The following SMYD3 variants were observed in gnomAD, a reference collection of about 807,000 sequenced individuals.
SMYD3 encodes histone-lysine N-methyltransferase SMYD3.
SMYD3 carries 36 observed loss-of-function variants against 57.7 expected under a neutral mutation model. That is an observed-to-expected ratio of 0.62 (90% CI 0.48 to 0.82). SMYD3 has a LOEUF of 0.82. Among genes scored for constraint, SMYD3 ranks in the 40% least tolerant of loss-of-function variants. SMYD3 has a pLI of 0.00. For missense variants in SMYD3, 515 were observed against 538.8 expected (o/e 0.96, Z 0.44); for synonymous variants, 211 against 195.0 (o/e 1.08, Z -0.68).
At chr1:246,357,801 G>A (rs1307564729) in intron 1 of SMYD3, among the ~76,000 whole-genome samples, 1 of 152,124 alleles carries the variant, frequency 6.6e-6, no homozygotes, top group Non-Finnish European at 1.5e-5. Context: ...TACAAGAACT[G>A]CCAAAAGGAA....
At chr1:246,312,634 A>G (rs2065097962) in intron 5 of SMYD3, among the ~76,000 whole-genome samples, 1 of 152,198 alleles carries the variant, frequency 6.6e-6, no homozygotes, top group South Asian at 2.1e-4. Flanking sequence ...CACACGACGA[A>G]TCTGAAGTAA....
chr1:246,491,589 G>T (rs1483835970), intron 1 of SMYD3, among the ~76,000 whole-genome samples: 1 of 151,600 alleles, frequency 6.6e-6, no homozygotes, highest in Admixed American at 6.6e-5. Flanking sequence ...AGTCATTAAA[G>T]GCATATTTAA....
Position 246,102,304 on chromosome 1 carries a change from T to C in SMYD3, c.532-172367A>G, listed in dbSNP as rs570064761. ...CCCAATATTGCTGCTCTAGTTCAGA[T>C]TCCAAATATTTCTCACCTGAACCAC... On this transcript the variant is annotated intron_variant, in intron 5 of 11. Coordinates refer to ENST00000490107, the MANE Select transcript of SMYD3 (RefSeq NM_001167740.2). 1.1e-4 allele frequency among the ~76,000 whole-genome samples: 17 copies of C among 152,278 alleles called. No homozygotes were observed. In the East Asian group the frequency reaches 3.1e-3, roughly 28 times the overall value.
chr1:245,983,202 A>G (rs1299671524), intron 5 of SMYD3, among the ~76,000 whole-genome samples: 1 of 152,134 alleles, frequency 6.6e-6, no homozygotes, highest in Admixed American at 6.5e-5. Flanking sequence ...TTCAGTTATA[A>G]CTTTTCAGAC....
chr1:246,052,769 C>G (rs941934954), intron 5 of SMYD3: 4 of 152,222 alleles, frequency 2.6e-5, no homozygotes, highest in Non-Finnish European at 5.9e-5. Context: ...CTGTAACGCT[C>G]AGGTGCAGTT....
intron 5 of SMYD3, among the ~76,000 whole-genome samples, chr1:246,293,511 C>T (rs929934220): frequency 1.3e-5 from 2 of 152,162 alleles, no homozygotes; most frequent in Non-Finnish European, 1.5e-5. Context: ...CATTCACCCA[C>T]GTGCTTCCAC....
At chr1:246,033,147 C>A (rs889044684) in intron 5 of SMYD3, among the ~76,000 whole-genome samples, 8 of 151,884 alleles carry the variant, frequency 5.3e-5, no homozygotes, top group Non-Finnish European at 1.2e-4. Context: ...CTGGAAGCAA[C>A]ACAGATGTCC....
At chr1:246,398,140 C>T (rs1038875938) in intron 1 of SMYD3, among the ~76,000 whole-genome samples, 6 of 152,150 alleles carry the variant, frequency 3.9e-5, no homozygotes, top group Non-Finnish European at 8.8e-5. Flanking sequence ...TTGTGATCTC[C>T]GGAACAATGG....
intron 10 of SMYD3, among the ~76,000 whole-genome samples, chr1:245,833,073 A>AAAAAAAACAAAAAC: frequency 1.6e-5 from 2 of 128,648 alleles, no homozygotes; most frequent in African/African-American, 6.0e-5. Context: ...AAAAAAAAAA[A>AAAAAAAACAAAAAC]AACCTGCTTT....
At chr1:246,266,177 G>A (rs1334817685) in intron 5 of SMYD3, among the ~76,000 whole-genome samples, 2 of 152,014 alleles carry the variant, frequency 1.3e-5, no homozygotes, top group Non-Finnish European at 2.9e-5. Flanking sequence ...TAAACATTTT[G>A]TTTACAATGT....
intron 8 of SMYD3, among the ~76,000 whole-genome samples, chr1:245,866,044 C>T (rs928711906): frequency 2.6e-5 from 4 of 152,178 alleles, no homozygotes; most frequent in Admixed American, 1.3e-4. Flanking sequence ...TAGACATCCC[C>T]CTGGAGACTG....
At chr1:246,114,441 C>G (rs2061309311) in intron 5 of SMYD3, among the ~76,000 whole-genome samples, 1 of 152,124 alleles carries the variant, frequency 6.6e-6, no homozygotes, top group Non-Finnish European at 1.5e-5. Flanking sequence ...CAGCTAATCA[C>G]AAACAACCTG....
chr1:246,227,347 G>T (rs926902490), intron 5 of SMYD3, among the ~76,000 whole-genome samples: 1 of 152,208 alleles, frequency 6.6e-6, no homozygotes, highest in Non-Finnish European at 1.5e-5. Flanking sequence ...CGGGTGCGGC[G>T]GCTCACGCCT....
intron 1 of SMYD3, among the ~76,000 whole-genome samples, chr1:246,445,855 G>GAAA (rs541828569): frequency 2.0e-3 from 244 of 124,356 alleles, no homozygotes; most frequent in Non-Finnish European, 3.5e-3. Flanking sequence ...ATCCAAAAAG[G>GAAA]AAAAAAAAAA....
chr1:246,064,340 ACT>A (rs1214152941), intron 5 of SMYD3, among the ~76,000 whole-genome samples: 1 of 151,788 alleles, frequency 6.6e-6, no homozygotes, highest in Admixed American at 6.6e-5. Flanking sequence ...TCCCTTTTGT[ACT>A]CTCTGTTCTA....
chr1:246,047,409 GA>G (rs2059987962), intron 5 of SMYD3, among the ~76,000 whole-genome samples: 1 of 152,194 alleles, frequency 6.6e-6, no homozygotes. Flanking sequence ...ATTGAGTGGG[GA>G]AAAGAACCAT....
At chr1:246,428,294 G>A (rs2067249781) in intron 1 of SMYD3, among the ~76,000 whole-genome samples, 1 of 152,166 alleles carries the variant, frequency 6.6e-6, no homozygotes. Flanking sequence ...TTATCTTTAA[G>A]TTGAATTCAA....
At chr1:246,339,905 A>T (rs1339623530) in intron 2 of SMYD3, among the ~76,000 whole-genome samples, 2 of 152,164 alleles carry the variant, frequency 1.3e-5, no homozygotes, top group Admixed American at 6.5e-5. Context: ...TACAGATGTA[A>T]TCCCTCAACC....
intron 5 of SMYD3, among the ~76,000 whole-genome samples, chr1:246,093,830 G>A (rs915641188): frequency 6.6e-6 from 1 of 151,894 alleles, no homozygotes; most frequent in African/African-American, 2.4e-5. Flanking sequence ...AAAGGGTTCT[G>A]TGCATATTTG....
Sources: gnomAD v4.1 joint callset for allele counts (sites outside exome capture counted in the v4.1 genomes callset) on GRCh38, gnomAD v4.1.1 for gene constraint, MANE v1.5 for transcripts, NCBI Gene and HGNC (gene_info 2026-07-23, HGNC 2026-07-21) for gene names.